ST18: variants seen among roughly 807,000 people sequenced by gnomAD.
ST18 encodes ST18 C2H2C-type zinc finger transcription factor, also known as suppression of tumorigenicity 18 protein.
A neutral mutation model predicts 110.0 loss-of-function variants in ST18; 50 were observed. That is an observed-to-expected ratio of 0.45 (90% CI 0.36 to 0.58). The LOEUF (loss-of-function observed/expected upper bound fraction) is 0.58. Among genes scored for constraint, ST18 ranks in the 20% least tolerant of loss-of-function variants. The pLI, the probability that ST18 is intolerant of heterozygous loss-of-function variation, is 0.00. For synonymous variants in ST18, 461 were observed against 452.4 expected, an observed-to-expected ratio of 1.02 and a Z score of -0.24; for missense variants, 1,306 against 1,280.1, an observed-to-expected ratio of 1.02 and a Z score of -0.31.
At chr8:52,336,584 C>T (rs910408277) in intron 2 of ST18, among the ~76,000 whole-genome samples, 1 of 152,198 alleles carries the variant, frequency 6.6e-6, no homozygotes, top group Non-Finnish European at 1.5e-5. Flanking sequence ...AAAGCAATGG[C>T]ACCAGTATTA....
intron 2 of ST18, among the ~76,000 whole-genome samples, chr8:52,392,292 G>C (rs1179330430): frequency 6.6e-6 from 1 of 152,148 alleles, no homozygotes; most frequent in Non-Finnish European, 1.5e-5. Flanking sequence ...GGTGACGGTG[G>C]TGGTAAGTGG....
rs1237672115 is a variant in ST18 at position 52,214,251 on chromosome 8, C to T, written c.7G>A (p.Ala3Thr). The T allele has an allele frequency of 2.5e-6, 4 of 1,613,886 alleles. No homozygotes were observed. In the Admixed American group the frequency reaches 6.7e-5, roughly 27 times the overall value. The change falls in exon 7 of 26, where the codon GCA (alanine) becomes ACA (threonine). Residue 3 changes from alanine to threonine, a missense_variant. Transcript: ENST00000689386. The stretch of plus-strand genomic sequence containing the variant: ...CGCAGCGTTTTATCTTCAGCCTCTG[C>T]ATCCATCTATAACATGAACACAAAG... The part of the protein sequence containing the change: MD[A>T]EAEDKTLRTR...
In ST18 at chr8:52,380,008, A is replaced by C. The variant is rs1460757772; in HGVS notation, c.-465+29320T>G. 1.3e-5 allele frequency among the ~76,000 whole-genome samples: 2 copies of C among 152,200 alleles called. 1 individual carries two copies. On this transcript the variant is annotated intron_variant, in intron 2 of 25. Transcript: ENST00000689386. ...ATTTCATGGTAAAAAGCGATCTCTC[A>C]TAGTTTTTGAATGTTTTTCATCATG...
intron 2 of ST18, among the ~76,000 whole-genome samples, chr8:52,230,997 A>T (rs1240212223): frequency 6.6e-6 from 1 of 152,246 alleles, no homozygotes; most frequent in East Asian, 1.9e-4. Flanking sequence ...AAAACAACCT[A>T]AGAGAAACAG....
At chr8:52,197,600 T>G (rs1285844345) in intron 8 of ST18, among the ~76,000 whole-genome samples, 3 of 152,184 alleles carry the variant, frequency 2.0e-5, no homozygotes, top group African/African-American at 7.2e-5. Context: ...AAAGTACAGA[T>G]GTCCTTCTGT....
intron 2 of ST18, among the ~76,000 whole-genome samples, chr8:52,234,997 T>C (rs1482057920): frequency 2.0e-5 from 3 of 151,962 alleles, no homozygotes; most frequent in Non-Finnish European, 4.4e-5. Context: ...AATAAAAGAC[T>C]ACAAATTGGG....
chr8:52,402,687 C>G (rs1021673438), intron 2 of ST18, among the ~76,000 whole-genome samples: 6 of 152,070 alleles, frequency 3.9e-5, no homozygotes, highest in Non-Finnish European at 7.4e-5. Context: ...CTCTGTGACG[C>G]CAGGTGCAGT....
In ST18 at chr8:52,149,949, C is replaced by T; in HGVS notation, c.1835G>A (p.Gly612Asp). ...TTTTTTCATGCTTAAGTCCAATGTGCCATTTTCATCCACTTCTATTTCGGC... is the reference window on the plus strand; with the variant it reads ...TTTTTTCATGCTTAAGTCCAATGTGTCATTTTCATCCACTTCTATTTCGGC... Reference protein sequence around the residue: ...KGAEIEVDENGTLDLSMKKNR... With the variant: ...KGAEIEVDENDTLDLSMKKNR... Residue 612 changes from glycine (G) to aspartate (D), a missense_variant, in exon 16 of 26, where the codon GGC becomes GAC. Transcript: ENST00000689386. The T allele has an allele frequency of 6.2e-7, 1 of 1,613,878 alleles. No individual in the cohort carries two copies. Among genetic ancestry groups the T allele is most frequent in the South Asian group, 1.1e-5 (1 of 91,024 alleles).
In ST18 at chr8:52,258,258, T is replaced by C. The variant is rs907448002; in HGVS notation, c.-464-28181A>G. On this transcript the variant is annotated intron_variant, in intron 2 of 25. Coordinates refer to ENST00000689386, the MANE Select transcript of ST18 (RefSeq NM_001352837.2). ...TTTTCCAGGATTGTTTTGACTATTA[T>C]GGGTCCAGTGAATTTCTATATAAAA... 2.0e-5 allele frequency among the ~76,000 whole-genome samples: 3 copies of C among 152,312 alleles called. No individual in the cohort carries two copies. In the East Asian group the frequency reaches 5.8e-4, roughly 29 times the overall value.
chr8:52,196,488 C>G (rs1162735787), intron 8 of ST18, among the ~76,000 whole-genome samples: 1 of 152,166 alleles, frequency 6.6e-6, no homozygotes, highest in Non-Finnish European at 1.5e-5. Context: ...TGATTTCATA[C>G]TGTAGTCCCC....
intron 2 of ST18, among the ~76,000 whole-genome samples, chr8:52,281,279 C>T (rs1356288326): frequency 1.3e-5 from 2 of 151,718 alleles, no homozygotes; most frequent in Non-Finnish European, 2.9e-5. Context: ...TTTAGAACAA[C>T]AAACAAGAAA....
At chr8:52,148,758 C>G (rs2058058239) in intron 16 of ST18, among the ~76,000 whole-genome samples, 1 of 151,922 alleles carries the variant, frequency 6.6e-6, no homozygotes, top group Non-Finnish European at 1.5e-5. Flanking sequence ...GAAAGAAAAA[C>G]AGCCCAATCT....
chr8:52,325,697 T>A (rs1457318040), intron 2 of ST18, among the ~76,000 whole-genome samples: 1 of 152,204 alleles, frequency 6.6e-6, no homozygotes, highest in Non-Finnish European at 1.5e-5. Context: ...AAATATAAAA[T>A]TCTATGTTTT....
At chr8:52,279,169 T>C (rs904925201) in intron 2 of ST18, among the ~76,000 whole-genome samples, 3 of 152,094 alleles carry the variant, frequency 2.0e-5, no homozygotes, top group Admixed American at 6.5e-5. Context: ...GTTAAAGCAA[T>C]CAATGAACAT....
intron 2 of ST18, chr8:52,403,813 G>A (rs912750411): frequency 1.3e-5 from 2 of 152,142 alleles, no homozygotes; most frequent in African/African-American, 4.8e-5. Flanking sequence ...CTCTTAATAT[G>A]ATTGTAAGTA....
chr8:52,380,415 G>C (rs1486143935), intron 2 of ST18, among the ~76,000 whole-genome samples: 1 of 152,178 alleles, frequency 6.6e-6, no homozygotes, highest in African/African-American at 2.4e-5. Context: ...ACTACTATCA[G>C]TAGTTAAGTT....
chr8:52,312,934 C>A (rs2095949023), intron 2 of ST18, among the ~76,000 whole-genome samples: 1 of 152,150 alleles, frequency 6.6e-6, no homozygotes, highest in African/African-American at 2.4e-5. Flanking sequence ...GGCATGCTGT[C>A]CACATCTGAG....
At chr8:52,163,894 G>C in intron 13 of ST18, 92 bp downstream of exon 13, 1 of 960,246 alleles carries the variant, frequency 1.0e-6, no homozygotes, top group South Asian at 1.6e-5. Context: ...GGGAGGTCAA[G>C]CCACAGAGAA....
intron 2 of ST18, among the ~76,000 whole-genome samples, chr8:52,282,928 T>C (rs1423839472): frequency 6.6e-6 from 1 of 151,896 alleles, no homozygotes; most frequent in South Asian, 2.1e-4. Context: ...GTGGCATATG[T>C]GATGTGCGCT....
Sources: gnomAD v4.1 joint callset for allele counts (sites outside exome capture counted in the v4.1 genomes callset) on GRCh38, gnomAD v4.1.1 for gene constraint, MANE v1.5 for transcripts, NCBI Gene and HGNC (gene_info 2026-07-23, HGNC 2026-07-21) for gene names.